Variants in ADAMTSL3 observed in about 807,000 individuals in gnomAD.
ADAMTSL3 encodes ADAMTS like 3.
A neutral mutation model predicts 201.7 loss-of-function variants in ADAMTSL3; 128 were observed. That is an observed-to-expected ratio of 0.63 (90% CI 0.55 to 0.73). The LOEUF (loss-of-function observed/expected upper bound fraction) is 0.73, where lower values mean the gene tolerates loss of function less well. Among genes scored for constraint, ADAMTSL3 ranks in the 30% least tolerant of loss-of-function variants. The probability of loss-of-function intolerance (pLI) is 0.00; values close to 1 mark genes in which losing one functional copy is unlikely to be tolerated. For synonymous variants in ADAMTSL3, 738 were observed against 748.4 expected (o/e 0.99, Z 0.23); for missense variants, 1,990 against 2,119.6 (o/e 0.94, Z 1.20).
At chr15:83,898,332 AAAGG>A (rs2141911010) in intron 14 of ADAMTSL3, among the ~76,000 whole-genome samples, 1 of 152,272 alleles carries the variant, frequency 6.6e-6, no homozygotes, top group Admixed American at 6.5e-5. Context: ...AGAGATTAAA[AAAGG>A]AGGGGAAGGA....
At position 84,036,754 on chromosome 15, in the gene ADAMTSL3, G is replaced by C; in HGVS notation, c.4755-19G>C. 6.3e-7 allele frequency: 1 copy of C among 1,586,106 alleles called. No individual in the cohort carries two copies. The highest frequency in any genetic ancestry group is 1.1e-5 in the South Asian group (1 of 87,066). On this transcript the variant is annotated intron_variant, in intron 28 of 29. Coordinates refer to ENST00000286744, the MANE Select transcript of ADAMTSL3 (RefSeq NM_207517.3). ...CTCCTATTTTTTGTTTTTCCGTTTT[G>C]TTTTATTTTTCACTTCAGACCCACC... is the stretch of plus-strand genomic sequence containing the variant.
chr15:83,983,367 A>AC, intron 21 of ADAMTSL3, 23 bp downstream of exon 21: 1 of 1,415,764 alleles, frequency 7.1e-7, no homozygotes, highest in Non-Finnish European at 9.4e-7. Flanking sequence ...AAAATGCAGT[A>AC]TTCATTTTTG....
At chr15:83,817,310 T>G (rs989151921) in intron 5 of ADAMTSL3, among the ~76,000 whole-genome samples, 4 of 152,224 alleles carry the variant, frequency 2.6e-5, no homozygotes, top group Non-Finnish European at 5.9e-5. Flanking sequence ...TATCTATTTG[T>G]GGAAAAAGAA....
rs566195939 is a variant in ADAMTSL3, at chr15:83,656,418, A to G, written c.69+588A>G. Reference sequence around the variant, plus strand: ...TAGAGAGTAACGGAGACAGTGGCAAAGTGCAGAACGCGTGCTCCATCTATT... The same window carrying G: ...TAGAGAGTAACGGAGACAGTGGCAAGGTGCAGAACGCGTGCTCCATCTATT... On this transcript the variant is annotated intron_variant, in intron 2 of 29. Coordinates refer to ENST00000286744, the MANE Select transcript of ADAMTSL3 (RefSeq NM_207517.3). Among the ~76,000 whole-genome samples, 4 of 152,228 alleles carry G rather than the reference A, an allele frequency of 2.6e-5. No individual in the cohort carries two copies. The South Asian group carries it at 8.3e-4, about 32-fold the overall frequency.
intron 2 of ADAMTSL3, among the ~76,000 whole-genome samples, chr15:83,684,739 T>A (rs1258744116): frequency 1.3e-5 from 2 of 148,206 alleles, no homozygotes; most frequent in Admixed American, 1.3e-4. Context: ...TCTCACTGTA[T>A]GAAGACATCA....
chr15:83,726,209 G>T (rs902152224), intron 3 of ADAMTSL3, among the ~76,000 whole-genome samples: 1 of 152,046 alleles, frequency 6.6e-6, no homozygotes, highest in Non-Finnish European at 1.5e-5. Context: ...TTTGCTATTG[G>T]CATATGGAAA....
intron 17 of ADAMTSL3, among the ~76,000 whole-genome samples, chr15:83,926,874 C>T (rs2066256441): frequency 6.6e-6 from 1 of 152,174 alleles, no homozygotes; most frequent in African/African-American, 2.4e-5. Flanking sequence ...GCCTCGGCCT[C>T]CCAAAATGTT....
At chr15:83,702,389 C>T (rs898520325) in intron 2 of ADAMTSL3, among the ~76,000 whole-genome samples, 2 of 152,178 alleles carry the variant, frequency 1.3e-5, no homozygotes, top group African/African-American at 2.4e-5. Context: ...AATGCTAATT[C>T]CCAGAACTAT....
At chr15:83,884,590 T>G (rs1353548508) in intron 9 of ADAMTSL3, among the ~76,000 whole-genome samples, 1 of 152,146 alleles carries the variant, frequency 6.6e-6, no homozygotes, top group Non-Finnish European at 1.5e-5. Flanking sequence ...TTCCTTTTAA[T>G]TAGATACTAG....
At chr15:83,946,257 GCT>G (rs1369105335) in intron 19 of ADAMTSL3, among the ~76,000 whole-genome samples, 1 of 152,174 alleles carries the variant, frequency 6.6e-6, no homozygotes, top group African/African-American at 2.4e-5. Flanking sequence ...CTCCGTGTCC[GCT>G]CTCTCAGTGA....
At position 83,942,625 on chromosome 15, in the gene ADAMTSL3, C is replaced by T; in HGVS notation, c.2147C>T (p.Ser716Leu). The change falls in exon 18 of 30, where the codon TCA becomes TTA. Residue 716 changes from serine to leucine, a missense_variant. Physicochemically the swap from Ser to Leu is moderately radical, Grantham distance 145. Transcript: ENST00000286744. ...CATGTGGGCTCTTGGGGGCCCTGCT[C>T]AGCTACCTGTGGAGTTGGAATTCAG... ...RWHVGSWGPC[S>L]ATCGVGIQTR... The T allele has an allele frequency of 6.2e-7, 1 of 1,613,810 alleles. No individual in the cohort carries two copies. The highest frequency in any genetic ancestry group is 8.5e-7 in the Non-Finnish European group (1 of 1,179,940).
chr15:83,688,247 A>G (rs1226045434), intron 2 of ADAMTSL3, among the ~76,000 whole-genome samples: 1 of 152,236 alleles, frequency 6.6e-6, no homozygotes, highest in African/African-American at 2.4e-5. Context: ...TCTAACTTCT[A>G]AGGAGGAAGA....
At chr15:83,998,824 A>G (rs1365457036) in intron 23 of ADAMTSL3, among the ~76,000 whole-genome samples, 6 of 152,236 alleles carry the variant, frequency 3.9e-5, no homozygotes, top group Non-Finnish European at 8.8e-5. Flanking sequence ...CTGAAATAAA[A>G]TCTTGAGAAT....
At chr15:83,987,398 T>C (rs2141825379) in intron 21 of ADAMTSL3, among the ~76,000 whole-genome samples, 1 of 152,352 alleles carries the variant, frequency 6.6e-6, no homozygotes, top group African/African-American at 2.4e-5. Context: ...TTTTGAGAAC[T>C]TGCTATATAA....
At chr15:84,024,057 C>T (rs1367017402) in intron 26 of ADAMTSL3, among the ~76,000 whole-genome samples, 1 of 152,126 alleles carries the variant, frequency 6.6e-6, no homozygotes, top group East Asian at 1.9e-4. Context: ...AGATCAAGAA[C>T]ATCTTGGCTA....
chr15:83,751,158 TC>T (rs1206785570), intron 3 of ADAMTSL3, among the ~76,000 whole-genome samples: 2 of 152,176 alleles, frequency 1.3e-5, no homozygotes, highest in Non-Finnish European at 2.9e-5. Flanking sequence ...AGGTAAGGCT[TC>T]TTTGAGGAAA....
At chr15:83,912,330 A>G (rs1164158742) in intron 15 of ADAMTSL3, among the ~76,000 whole-genome samples, 1 of 152,222 alleles carries the variant, frequency 6.6e-6, no homozygotes, top group Non-Finnish European at 1.5e-5. Flanking sequence ...GTAAAATTTA[A>G]TTTTATGTAA....
chr15:83,991,140 A>G lies in ADAMTSL3; in HGVS notation c.3899A>G (p.His1300Arg). Residue 1300 changes from histidine (H) to arginine (R), a missense_variant, in exon 23 of 30, where the codon CAT becomes CGT. Coordinates refer to ENST00000286744, the MANE Select transcript of ADAMTSL3 (RefSeq NM_207517.3). ...AATATCACCAAACCAGAGCACAACC[A>G]TCTGTCTGTTGTGGTTGGAGGCATC... ...ERNITKPEHNHLSVVVGGIVE... is the reference protein window; with the variant it reads ...ERNITKPEHNRLSVVVGGIVE... 6.2e-7 allele frequency: 1 copy of G among 1,614,206 alleles called. No individual in the cohort carries two copies. The highest frequency in any genetic ancestry group is 1.1e-5 in the South Asian group (1 of 91,082).
intron 25 of ADAMTSL3, among the ~76,000 whole-genome samples, chr15:84,017,656 G>A (rs1163901016): frequency 1.3e-5 from 2 of 152,166 alleles, no homozygotes; most frequent in African/African-American, 2.4e-5. Flanking sequence ...AATCCATCAC[G>A]TTACTTATGA....
Sources: allele counts gnomAD v4.1 joint callset (sites outside exome capture counted in the v4.1 genomes callset), GRCh38; gene constraint gnomAD v4.1.1; transcripts MANE v1.5; gene names NCBI Gene and HGNC (gene_info 2026-07-23, HGNC 2026-07-21).